Variants in TXNRD1 observed in about 807,000 individuals in gnomAD.
TXNRD1 encodes thioredoxin reductase 1.
In TXNRD1, 57 loss-of-function variants were observed where a neutral mutation model predicts 80.3. The ratio of observed to expected loss-of-function variants is 0.71; its 90% confidence interval spans 0.57 to 0.89. The LOEUF is 0.89. Ranked by LOEUF, TXNRD1 falls within the 40% of genes least tolerant of loss-of-function variation. The pLI, the probability that TXNRD1 is intolerant of heterozygous loss-of-function variation, is 0.00. For synonymous variants in TXNRD1, 291 were observed against 285.2 expected (o/e 1.02, Z -0.20); for missense variants, 730 against 803.0 (o/e 0.91, Z 1.10).
At chr12:104,309,927 G>T in intron 4 of TXNRD1, 1 of 1,536,028 alleles carries the variant, frequency 6.5e-7, no homozygotes, top group Non-Finnish European at 8.7e-7. Flanking sequence ...GAGCCACTAC[G>T]TATGCCCGCC....
chr12:104,254,644 A>AATATATATATATATATATATATATATAT (rs1178469026), intron 2 of TXNRD1, among the ~76,000 whole-genome samples: 3 of 93,630 alleles, frequency 3.2e-5, no homozygotes, highest in African/African-American at 5.2e-5. Context: ...AAAAAAAAAA[A>AATATATATATATATATATATATATATAT]ATATATATAT....
intron 4 of TXNRD1, among the ~76,000 whole-genome samples, chr12:104,302,187 A>G (rs1051558134): frequency 6.6e-6 from 1 of 152,212 alleles, no homozygotes; most frequent in Non-Finnish European, 1.5e-5. Context: ...CTAGTTAATA[A>G]AATAATTGGG....
chr12:104,302,012 A>C (rs992921521), intron 4 of TXNRD1, among the ~76,000 whole-genome samples: 6 of 152,378 alleles, frequency 3.9e-5, no homozygotes, highest in Middle Eastern at 3.4e-3. Flanking sequence ...TTATACATTC[A>C]GTACATAAGT....
intron 15 of TXNRD1, among the ~76,000 whole-genome samples, chr12:104,337,325 T>C (rs2036172260): frequency 6.6e-6 from 1 of 151,986 alleles, no homozygotes; most frequent in African/African-American, 2.4e-5. Flanking sequence ...CAGGGAGTGA[T>C]GGAACCTTAG....
chr12:104,339,290 T>TA lies in TXNRD1; in HGVS notation c.1881+18dup. The TA allele has an allele frequency of 1.2e-6, 2 of 1,613,620 alleles. No individual in the cohort carries two copies. Among genetic ancestry groups the TA allele is most frequent in the Non-Finnish European group, 1.7e-6 (2 of 1,179,700 alleles). On this transcript the variant is annotated intron_variant, in intron 16 of 16. Transcript: ENST00000525566. ...TGTGCAGAGGTGGGTCATCTACACT[T>TA]ATACAGTTTAAAATGTTTAAAATGT...
intron 1 of TXNRD1, among the ~76,000 whole-genome samples, chr12:104,224,613 T>C (rs908960811): frequency 1.3e-5 from 2 of 152,190 alleles, no homozygotes; most frequent in Non-Finnish European, 2.9e-5. Flanking sequence ...CTCAAACTCC[T>C]GACCTTGTGA....
chr12:104,265,805 G>A, intron 3 of TXNRD1: 2 of 1,540,556 alleles, frequency 1.3e-6, no homozygotes, highest in Non-Finnish European at 1.8e-6. Context: ...CACAAGCCAC[G>A]CTTCACCACC....
intron 10 of TXNRD1, among the ~76,000 whole-genome samples, chr12:104,324,675 C>G (rs781718697): frequency 2.6e-5 from 4 of 152,102 alleles, no homozygotes; most frequent in Admixed American, 6.5e-5. Flanking sequence ...AGTCATTATA[C>G]CTAGTCTGTA....
intron 1 of TXNRD1, among the ~76,000 whole-genome samples, chr12:104,246,761 T>C (rs1443557943): frequency 2.0e-5 from 3 of 152,064 alleles, no homozygotes; most frequent in South Asian, 4.2e-4. Context: ...GACTTTGTGA[T>C]CCGCCCGCCT....
chr12:104,232,438 CT>C (rs1398811607), intron 1 of TXNRD1, among the ~76,000 whole-genome samples: 1 of 152,086 alleles, frequency 6.6e-6, no homozygotes, highest in Non-Finnish European at 1.5e-5. Flanking sequence ...TGGTACACAA[CT>C]GTAATCCCAG....
intron 1 of TXNRD1, among the ~76,000 whole-genome samples, chr12:104,223,734 T>C (rs1317981861): frequency 6.6e-6 from 1 of 152,124 alleles, no homozygotes; most frequent in East Asian, 1.9e-4. Flanking sequence ...GAAAAAGTGG[T>C]AAAAGCTCTT....
At chr12:104,302,803 G>A (rs2034693748) in intron 4 of TXNRD1, among the ~76,000 whole-genome samples, 1 of 152,108 alleles carries the variant, frequency 6.6e-6, no homozygotes, top group African/African-American at 2.4e-5. Flanking sequence ...CCATTGTTAT[G>A]TATACTTTGC....
chr12:104,292,896 A>T (rs2034277342), intron 4 of TXNRD1, among the ~76,000 whole-genome samples: 2 of 152,340 alleles, frequency 1.3e-5, no homozygotes. Context: ...ATAGGAACCC[A>T]ATGGGGGAGG....
At chr12:104,288,885 G>T in intron 3 of TXNRD1, 46 bp from the exon 4 acceptor site, 1 of 1,613,728 alleles carries the variant, frequency 6.2e-7, no homozygotes, top group African/African-American at 1.3e-5. Context: ...CCTGTTAGCG[G>T]GGGAGAAGCA....
chr12:104,321,014 G>A (rs1359503011), intron 9 of TXNRD1, 77 bp from the exon 10 acceptor site: 1 of 1,001,844 alleles, frequency 1.0e-6, no homozygotes, highest in African/African-American at 1.6e-5. Flanking sequence ...AAGTAAAAAT[G>A]TGTACTTGGA....
intron 4 of TXNRD1, chr12:104,305,097 A>G (rs2034843261): frequency 2.7e-6 from 2 of 744,396 alleles, no homozygotes; most frequent in African/African-American, 1.8e-5. Context: ...TTAGTAATTT[A>G]TAAGGTCATG....
chr12:104,258,112 G>T (rs759122080), intron 3 of TXNRD1, 33 bp downstream of exon 3: 2 of 1,428,112 alleles, frequency 1.4e-6, no homozygotes, highest in South Asian at 2.5e-5. Context: ...AATCATAGCT[G>T]CTGACTGTAC....
chr12:104,320,232 G>A (rs1402027691), intron 9 of TXNRD1, among the ~76,000 whole-genome samples: 3 of 152,226 alleles, frequency 2.0e-5, no homozygotes, highest in Non-Finnish European at 4.4e-5. Context: ...TGGTAAATGT[G>A]TCTTCTTGGA....
intron 1 of TXNRD1, among the ~76,000 whole-genome samples, chr12:104,239,460 A>G (rs1201660882): frequency 1.3e-5 from 2 of 152,076 alleles, no homozygotes; most frequent in Non-Finnish European, 2.9e-5. Context: ...CTCACGAAGT[A>G]CTGGGATTAC....
Sources: allele counts gnomAD v4.1 joint callset (sites outside exome capture counted in the v4.1 genomes callset), GRCh38; gene constraint gnomAD v4.1.1; transcripts MANE v1.5; gene names NCBI Gene and HGNC (gene_info 2026-07-23, HGNC 2026-07-21).